Variants in SEPTIN4 observed in about 807,000 individuals in gnomAD.
SEPTIN4 encodes the protein septin-4.
SEPTIN4 carries 52 observed loss-of-function variants against 107.1 expected under a neutral mutation model. The ratio of observed to expected loss-of-function variants is 0.49; its 90% CI spans 0.39 to 0.61. The LOEUF (loss-of-function observed/expected upper bound fraction) is 0.61, where lower values mean the gene tolerates loss of function less well. SEPTIN4 is among the 20% of genes least tolerant of loss of function. SEPTIN4 has a pLI of 0.00. For missense variants in SEPTIN4, 1,048 were observed against 1,243.5 expected, an observed-to-expected ratio of 0.84 and a Z score of 2.36; for synonymous variants, 417 against 467.0, an observed-to-expected ratio of 0.89 and a Z score of 1.38.
rs2042309716 is a variant in SEPTIN4 at position 58,521,864 on chromosome 17, G to A, written c.2352-11C>T. The A allele has an allele frequency of 9.9e-6, 16 of 1,614,256 alleles. No individual in the cohort carries two copies. Among genetic ancestry groups the A allele is most frequent in the Non-Finnish European group, 1.4e-5 (16 of 1,180,050 alleles). On this transcript the variant is annotated splice_polypyrimidine_tract_variant and intron_variant, in intron 8 of 13. Coordinates refer to ENST00000672673, the MANE Select transcript of SEPTIN4 (RefSeq NM_001368771.2). This position sits in a 1 kb window ranked among gnomAD's most constrained non-coding sequence, Gnocchi z 6.4. The stretch of plus-strand genomic sequence containing the variant: ...TCCAATGGCCGGAGCCTGGGGAACA[G>A]GAACCTGTGACCACCTGCTAGTGGC...
Position 58,520,840 on chromosome 17 carries a change from T to C in SEPTIN4, c.2834A>G (p.Lys945Arg), listed in dbSNP as rs1311395955. Residue 945 changes from lysine to arginine, a missense_variant and splice_region_variant, in exon 13 of 14, where the codon AAA becomes AGA. Around this residue, in one of 2 missense-constraint regions of SEPTIN4, gnomAD observed 261 missense variants for 371.7 expected, o/e 0.70. Coordinates refer to ENST00000672673, the MANE Select transcript of SEPTIN4 (RefSeq NM_001368771.2). ...RLVVKERNRN[K>R]LTRESGTDFP... ...GTCGGTACCACTTTCCCGAGTCAGT[T>C]TGCTAAAGGGAGAAAAGGGTTGATA... The C allele has an allele frequency of 1.3e-6, 2 of 1,595,890 alleles. No homozygotes were observed. Among genetic ancestry groups the C allele is most frequent in the East Asian group, 2.3e-5 (1 of 43,780 alleles).
In SEPTIN4 at chr17:58,521,589, A is replaced by T; in HGVS notation, c.2527T>A (p.Ser843Thr). Residue 843 changes from serine to threonine, a missense_variant, in exon 10 of 14, where the codon TCT becomes ACT. Around this residue, in one of 2 missense-constraint regions of SEPTIN4, gnomAD observed 261 missense variants for 371.7 expected, o/e 0.70. Transcript: ENST00000672673. The surrounding 1 kb of genome is among the most constrained non-coding windows in gnomAD (Gnocchi z 6.4). ...IKIYQFPDCD[S>T]DEDEDFKLQD... ...AATTTGAAGTCCTCATCCTCATCAGAGTCACAGTCTGGGAATTGATAGATC... is the reference window on the plus strand; with the variant it reads ...AATTTGAAGTCCTCATCCTCATCAGTGTCACAGTCTGGGAATTGATAGATC... 1.9e-6 allele frequency: 3 copies of T among 1,614,246 alleles called. No individual in the cohort carries two copies. The highest frequency in any genetic ancestry group is 2.5e-6 in the Non-Finnish European group (3 of 1,180,042).
chr17:58,526,868 G>A lies in SEPTIN4; in HGVS notation c.1725C>T (p.Ser575=), dbSNP rs772282369. The change falls in exon 4 of 14, where the codon TCC becomes TCT. Residue 575 remains serine (S), a synonymous_variant. Coordinates refer to ENST00000672673, the MANE Select transcript of SEPTIN4 (RefSeq NM_001368771.2). The part of the protein sequence containing the change: ...CHPPEAKTWA[S]RPQVPEPRPQ... Reference sequence around the variant, plus strand: ...GCCTTGGCTCCGGGACTTGGGGCCTGGATGCCCAGGTCTTAGCCTCTGGTG... The same window carrying A: ...GCCTTGGCTCCGGGACTTGGGGCCTAGATGCCCAGGTCTTAGCCTCTGGTG... 2.5e-6 allele frequency: 4 copies of A among 1,613,850 alleles called. No individual in the cohort carries two copies. In the South Asian group the frequency reaches 4.4e-5, roughly 18 times the overall value.
chr17:58,525,855 A>G (rs2042799268), intron 5 of SEPTIN4, 74 bp from the exon 6 acceptor site: 5 of 1,266,532 alleles, frequency 3.9e-6, no homozygotes, highest in Non-Finnish European at 5.7e-6. Context: ...CACTGGATCA[A>G]GGTTTAGGGG....
At position 58,544,240 on chromosome 17, in the gene SEPTIN4, T is replaced by C. The variant is rs201743249; in HGVS notation, c.-54A>G. The C allele has an allele frequency of 3.6e-5, 56 of 1,538,072 alleles. No individual in the cohort carries two copies. Among genetic ancestry groups the C allele is most frequent in the Non-Finnish European group, 4.5e-5 (52 of 1,145,056 alleles). On this transcript the variant is annotated 5_prime_UTR_variant, in exon 1 of 14. Transcript: ENST00000672673. Reference sequence around the variant, plus strand: ...CCCGTATTTTACTGGCTGGCTTGTATTCAGGATCCTAATGATGCCTGAATA... The same window carrying C: ...CCCGTATTTTACTGGCTGGCTTGTACTCAGGATCCTAATGATGCCTGAATA...
At chr17:58,540,154 C>T (rs537076543) in intron 3 of SEPTIN4, among the ~76,000 whole-genome samples, 11 of 152,260 alleles carry the variant, frequency 7.2e-5, no homozygotes, top group African/African-American at 2.6e-4. Context: ...AACAATGCAG[C>T]GAAATCAGGA....
At chr17:58,524,176 T>C (rs1341482802) in intron 7 of SEPTIN4, among the ~76,000 whole-genome samples, 1 of 152,190 alleles carries the variant, frequency 6.6e-6, no homozygotes, top group Non-Finnish European at 1.5e-5. Context: ...TCCCTCTTCA[T>C]CTACTCACTT....
intron 3 of SEPTIN4, among the ~76,000 whole-genome samples, chr17:58,532,896 G>T (rs1006272623): frequency 6.6e-6 from 1 of 152,322 alleles, no homozygotes; most frequent in African/African-American, 2.4e-5. Context: ...GGTGAGTGGG[G>T]TGTTGGTGAG....
chr17:58,540,613 A>G (rs2043853511), intron 3 of SEPTIN4, 53 bp downstream of exon 3: 5 of 1,310,946 alleles, frequency 3.8e-6, no homozygotes, highest in Non-Finnish European at 4.9e-6. Context: ...ATGGATTTGG[A>G]TTGTGGGGTG....
At chr17:58,528,609 C>CA (rs2043176282) in intron 3 of SEPTIN4, 1 of 168,050 alleles carries the variant, frequency 6.0e-6, no homozygotes, top group Non-Finnish European at 1.3e-5. Flanking sequence ...CCAGCTTAGA[C>CA]AATTAATTAC....
chr17:58,532,162 G>T (rs1254386891), intron 3 of SEPTIN4: 44 of 1,001,326 alleles, frequency 4.4e-5, no homozygotes, highest in Non-Finnish European at 5.3e-5. Flanking sequence ...CGGTGCCGGC[G>T]CGAAGTGGGT....
intron 3 of SEPTIN4, among the ~76,000 whole-genome samples, chr17:58,535,020 T>A (rs1191046398): frequency 1.3e-5 from 2 of 152,172 alleles, no homozygotes; most frequent in East Asian, 3.9e-4. Flanking sequence ...TAATTGTACA[T>A]CCCTTCCCCA....
chr17:58,539,027 G>T (rs1209633028), intron 3 of SEPTIN4: 1 of 815,692 alleles, frequency 1.2e-6, no homozygotes, highest in Non-Finnish European at 1.8e-6. Flanking sequence ...GCTGCATGGG[G>T]CCATGCCGGC....
chr17:58,527,514 A>G, intron 3 of SEPTIN4: 1 of 243,988 alleles, frequency 4.1e-6, no homozygotes, highest in East Asian at 1.1e-4. Flanking sequence ...ACCTCCTGTC[A>G]CTACTGGTGA....
chr17:58,541,617 T>A, intron 2 of SEPTIN4: 2 of 656,182 alleles, frequency 3.0e-6, no homozygotes, highest in Non-Finnish European at 5.0e-6. Flanking sequence ...GTGTATTTTT[T>A]AAAATCATGT....
At chr17:58,522,189 G>T in intron 7 of SEPTIN4, 88 bp from the exon 8 acceptor site, 1 of 1,534,860 alleles carries the variant, frequency 6.5e-7, no homozygotes, top group African/African-American at 1.4e-5. Flanking sequence ...CCCACTCCCT[G>T]AGCAGTGTTT....
intron 3 of SEPTIN4, chr17:58,529,382 C>G: frequency 2.8e-6 from 4 of 1,435,212 alleles, no homozygotes; most frequent in Non-Finnish European, 2.7e-6. Flanking sequence ...CTCTTCTCCT[C>G]CCCTTCCCTT....
In SEPTIN4 at chr17:58,521,665, G is replaced by T; in HGVS notation, c.2470-19C>A. 1 of 1,614,152 alleles carries T rather than the reference G, an allele frequency of 6.2e-7. No individual in the cohort carries two copies. The highest frequency in any genetic ancestry group is 2.2e-5 in the East Asian group (1 of 44,886). ...CCCGGATCTGACAAACAGATGAGGGGCCCACAGTTCTGGGGACCACATCCT... is the reference window on the plus strand; with the variant it reads ...CCCGGATCTGACAAACAGATGAGGGTCCCACAGTTCTGGGGACCACATCCT... On this transcript the variant is annotated intron_variant, in intron 9 of 13. Transcript: ENST00000672673. This position sits in a 1 kb window ranked among gnomAD's most constrained non-coding sequence, Gnocchi z 6.4.
chr17:58,544,048 T>A lies in SEPTIN4; in HGVS notation c.139A>T (p.Asn47Tyr). Residue 47 changes from asparagine (N) to tyrosine (Y), a missense_variant, in exon 1 of 14, where the codon AAC becomes TAC. Physicochemically the swap from Asn to Tyr is moderately radical, Grantham distance 143 (BLOSUM62 -2). Coordinates refer to ENST00000672673, the MANE Select transcript of SEPTIN4 (RefSeq NM_001368771.2). The stretch of plus-strand genomic sequence containing the variant: ...GCTTCTGATCTTCGGTGGGAAGGGT[T>A]CAGGGAGACTGCAGCACTTCGATGG... ...SSHRSAAVSL[N>Y]PSHRRSEAAH... is the part of the protein sequence containing the mutation. The A allele has an allele frequency of 6.2e-7, 1 of 1,614,110 alleles. No individual in the cohort carries two copies. Among genetic ancestry groups the A allele is most frequent in the Non-Finnish European group, 8.5e-7 (1 of 1,180,012 alleles).
Sources: allele counts gnomAD v4.1 joint callset (sites outside exome capture counted in the v4.1 genomes callset), GRCh38; gene constraint gnomAD v4.1.1; regional missense constraint gnomAD v4.1.1; non-coding constraint Gnocchi (gnomAD v3.1); transcripts MANE v1.5; gene names NCBI Gene and HGNC (gene_info 2026-07-23, HGNC 2026-07-21).